The following CREBBP variants were observed in gnomAD, a reference collection of about 807,000 sequenced individuals.
The protein encoded by CREBBP is CREB binding lysine acetyltransferase, also known as CREB-binding protein.
CREBBP carries 19 observed loss-of-function variants against 265.0 expected under a neutral mutation model. The observed-to-expected ratio is 0.07, with a 90% CI of 0.05 to 0.11. The LOEUF (loss-of-function observed/expected upper bound fraction) is 0.11, where lower values mean the gene tolerates loss of function less well. Ranked by LOEUF, CREBBP falls within the 10% of genes least tolerant of loss-of-function variation. CREBBP has a pLI of 1.00. For missense variants in CREBBP, 2,525 were observed against 3,219.0 expected, an observed-to-expected ratio of 0.78 and a Z score of 5.22; for synonymous variants, 1,457 against 1,223.7, an observed-to-expected ratio of 1.19 and a Z score of -3.98.
chr16:3,772,771 T>C (rs2053043214), intron 13 of CREBBP, among the ~76,000 whole-genome samples: 1 of 151,866 alleles, frequency 6.6e-6, no homozygotes, highest in Non-Finnish European at 1.5e-5. Context: ...TTATTTCACA[T>C]TAAAAACTCA....
intron 23 of CREBBP, among the ~76,000 whole-genome samples, chr16:3,744,677 C>G (rs746974015): frequency 4.6e-5 from 7 of 152,176 alleles, no homozygotes; most frequent in African/African-American, 7.2e-5. Context: ...AGTGAAGCCC[C>G]TGAAGAACAT....
At chr16:3,739,411 G>A (rs1169698390) in intron 25 of CREBBP, 167 bp downstream of exon 25, 15 of 775,278 alleles carry the variant, frequency 1.9e-5, no homozygotes, top group East Asian at 5.4e-5. Context: ...TTCATTTCCC[G>A]CTAGTTTAAT....
At chr16:3,803,315 G>T (rs921082425) in intron 3 of CREBBP, among the ~76,000 whole-genome samples, 3 of 111,654 alleles carry the variant, frequency 2.7e-5, no homozygotes, top group Non-Finnish European at 5.1e-5. Context: ...GACCAGCCTG[G>T]CCAACATGCC....
At chr16:3,817,743 T>A (rs2054065880) in intron 2 of CREBBP, among the ~76,000 whole-genome samples, 1 of 152,004 alleles carries the variant, frequency 6.6e-6, no homozygotes, top group Admixed American at 6.5e-5. Flanking sequence ...GTCGAAAAGG[T>A]CAGAGAAACA....
chr16:3,829,900 CAAG>C (rs2141409581), intron 2 of CREBBP, among the ~76,000 whole-genome samples: 1 of 152,044 alleles, frequency 6.6e-6, no homozygotes, highest in East Asian at 1.9e-4. Flanking sequence ...TTTGCCTCTA[CAAG>C]AAGAGCAGGA....
intron 1 of CREBBP, among the ~76,000 whole-genome samples, chr16:3,866,223 C>T (rs1012085985): frequency 1.3e-5 from 2 of 152,098 alleles, no homozygotes; most frequent in Non-Finnish European, 2.9e-5. Context: ...ACATTTTGTA[C>T]CCAACGCTCA....
At chr16:3,837,214 A>C (rs1458365553) in intron 2 of CREBBP, among the ~76,000 whole-genome samples, 5 of 152,088 alleles carry the variant, frequency 3.3e-5, no homozygotes, top group Non-Finnish European at 7.4e-5. Flanking sequence ...GGAGGAGAAA[A>C]ACAGTGATAT....
intron 3 of CREBBP, among the ~76,000 whole-genome samples, chr16:3,798,911 C>T (rs891356643): frequency 6.6e-6 from 1 of 152,082 alleles, no homozygotes; most frequent in Non-Finnish European, 1.5e-5. Flanking sequence ...TACAAATAGC[C>T]AAAAAGTGGA....
At chr16:3,766,064 C>T (rs2052844762) in intron 16 of CREBBP, among the ~76,000 whole-genome samples, 1 of 151,708 alleles carries the variant, frequency 6.6e-6, no homozygotes, top group South Asian at 2.1e-4. Flanking sequence ...TTTTTTTTGA[C>T]ACTGTATAGT....
chr16:3,864,246 T>G (rs1371648793), intron 1 of CREBBP, among the ~76,000 whole-genome samples: 1 of 152,146 alleles, frequency 6.6e-6, no homozygotes, highest in African/African-American at 2.4e-5. Context: ...AAAGAGCATA[T>G]TCCAGACGTG....
chr16:3,815,554 T>A (rs964225496), intron 2 of CREBBP, among the ~76,000 whole-genome samples: 5 of 150,900 alleles, frequency 3.3e-5, no homozygotes, highest in African/African-American at 4.9e-5. Context: ...AAAAAAATTT[T>A]TTTTTTTTTT....
At chr16:3,831,779 T>G (rs1052835241) in intron 2 of CREBBP, among the ~76,000 whole-genome samples, 5 of 152,066 alleles carry the variant, frequency 3.3e-5, no homozygotes, top group African/African-American at 7.2e-5. Context: ...GGCGGATCAC[T>G]TGAGGTCAGG....
intron 4 of CREBBP, among the ~76,000 whole-genome samples, chr16:3,792,851 A>AC (rs1450034992): frequency 3.3e-5 from 5 of 152,274 alleles, no homozygotes; most frequent in African/African-American, 4.8e-5. Flanking sequence ...CTAGTTCACC[A>AC]CCCCCCCTGG....
intron 16 of CREBBP, among the ~76,000 whole-genome samples, chr16:3,764,913 G>T (rs1433337049): frequency 6.6e-6 from 1 of 151,870 alleles, no homozygotes; most frequent in Admixed American, 6.6e-5. Flanking sequence ...ATAGTAAAAA[G>T]TATTCCTTGT....
chr16:3,854,473 T>C (rs1036650351), intron 1 of CREBBP, among the ~76,000 whole-genome samples: 8 of 152,216 alleles, frequency 5.3e-5, no homozygotes, highest in Non-Finnish European at 1.2e-4. Context: ...TCAAACTTCA[T>C]GTTATGTGAG....
At chr16:3,853,485 C>G (rs2054896978) in intron 1 of CREBBP, among the ~76,000 whole-genome samples, 1 of 152,080 alleles carries the variant, frequency 6.6e-6, no homozygotes, top group Admixed American at 6.6e-5. Context: ...TGGCAGGCAC[C>G]TGTAGTCCCA....
chr16:3,773,962 G>C (rs2141217423), intron 12 of CREBBP, 32 bp from the exon 13 acceptor site: 6 of 1,611,178 alleles, frequency 3.7e-6, no homozygotes, highest in Non-Finnish European at 5.1e-6. Context: ...CAGAGCTGTA[G>C]TTCGGAAGCT....
chr16:3,758,789 T>C (rs1431142859), intron 17 of CREBBP, 65 bp downstream of exon 17: 4 of 1,210,342 alleles, frequency 3.3e-6, no homozygotes, highest in Non-Finnish European at 4.9e-6. Flanking sequence ...TTTCAAGAGA[T>C]AAAACAATGG....
rs1304891594 is a variant in CREBBP at position 3,828,428 on chromosome 16, TG to T, written c.799-17650del. Among the ~76,000 whole-genome samples the T allele has an allele frequency of 3.3e-5, 5 of 152,204 alleles. No homozygotes were observed. In the East Asian group the frequency reaches 9.6e-4, roughly 29 times the overall value. On this transcript the variant is annotated intron_variant, in intron 2 of 30. Transcript: ENST00000262367. ...CTTTATGGGTCTTACAAAAATTGCTTGGCTGAATTAGTATTTCAGATTAAGA... is the reference window on the plus strand; with the variant it reads ...CTTTATGGGTCTTACAAAAATTGCTTGCTGAATTAGTATTTCAGATTAAGA...
Sources: gnomAD v4.1 joint callset for allele counts (sites outside exome capture counted in the v4.1 genomes callset) on GRCh38, gnomAD v4.1.1 for gene constraint, MANE v1.5 for transcripts, NCBI Gene and HGNC (gene_info 2026-07-23, HGNC 2026-07-21) for gene names.